Variants in EIF4E1B observed in about 807,000 individuals in gnomAD.
EIF4E1B encodes the protein eukaryotic translation initiation factor 4E type 1B.
In EIF4E1B, 22 loss-of-function variants were observed where a neutral mutation model predicts 31.3. The ratio of observed to expected loss-of-function variants is 0.70; its 90% confidence interval spans 0.50 to 1.00. The LOEUF (loss-of-function observed/expected upper bound fraction) is 1.00. EIF4E1B is among the 50% of genes least tolerant of loss of function. The pLI is 0.00. For synonymous variants in EIF4E1B, 126 were observed against 120.2 expected (o/e 1.05, Z -0.31); for missense variants, 290 against 311.6 (o/e 0.93, Z 0.52).
At chr5:176,635,964 A>G (rs1443776475) in intron 1 of EIF4E1B, among the ~76,000 whole-genome samples, 4 of 152,074 alleles carry the variant, frequency 2.6e-5, no homozygotes, top group African/African-American at 9.7e-5. Flanking sequence ...CCACAGGCAC[A>G]TGCCACCATG....
In EIF4E1B at chr5:176,645,342, GC is replaced by G; in HGVS notation, c.475-33del. On this transcript the variant is annotated intron_variant, in intron 7 of 8. Transcript: ENST00000318682. This position sits in a 1 kb window ranked among gnomAD's most constrained non-coding sequence, Gnocchi z 5.4. ...ATGGCAGGCCAGTCCCTATGTCCCA[GC>G]CGGTGATCTCACAACCCCCTACTTC... is the stretch of plus-strand genomic sequence containing the variant. 1 of 1,545,784 alleles carries G rather than the reference GC, an allele frequency of 6.5e-7. No homozygotes were observed. Among genetic ancestry groups the G allele is most frequent in the Admixed American group, 1.9e-5 (1 of 52,412 alleles).
At chr5:176,637,614 C>G (rs920570224) in intron 1 of EIF4E1B, among the ~76,000 whole-genome samples, 1 of 152,070 alleles carries the variant, frequency 6.6e-6, no homozygotes, top group Non-Finnish European at 1.5e-5. Flanking sequence ...GGGCAGGGAT[C>G]GCCTACCCTG....
rs549081894 is a variant in EIF4E1B at position 176,638,705 on chromosome 5, G to A, written c.-201-3338G>A. ...TGCTCAGGGCATGGGAGGCTGGATC[G>A]CCTAAGAACCTTGCAAGCCCAGGAC... is the stretch of plus-strand genomic sequence containing the variant. On this transcript the variant is annotated intron_variant, in intron 1 of 8. Coordinates refer to ENST00000318682, the MANE Select transcript of EIF4E1B (RefSeq NM_001099408.2). The surrounding 1 kb of genome is among the most constrained non-coding windows in gnomAD (Gnocchi z 4.3). Among the ~76,000 whole-genome samples, 12 of 152,340 alleles carry A rather than the reference G, an allele frequency of 7.9e-5. 1 individual carries two copies. The East Asian group carries it at 9.6e-4, about 12-fold the overall frequency.
chr5:176,646,049 G>C lies in EIF4E1B; in HGVS notation c.*69G>C. On this transcript the variant is annotated 3_prime_UTR_variant, in exon 9 of 9. Transcript: ENST00000318682. ...TGAGCCTCATTACTTTGGGGGATGGGGCGGGACTGGGGATCAGACAGCCTA... is the reference window on the plus strand; with the variant it reads ...TGAGCCTCATTACTTTGGGGGATGGCGCGGGACTGGGGATCAGACAGCCTA... 2 of 1,361,340 alleles carry C rather than the reference G, an allele frequency of 1.5e-6. No individual in the cohort carries two copies. The highest frequency in any genetic ancestry group is 2.5e-5 in the South Asian group (2 of 79,734). The allele number at this position is 1,361,340 out of a possible 1,614,324, so 84.3% of individuals were successfully genotyped here. A position where few individuals can be genotyped will look rare whatever the true frequency, so the allele number is the denominator to read the frequency against.
Position 176,643,221 on chromosome 5 carries a change from G to A in EIF4E1B, c.155G>A (p.Gly52Glu), listed in dbSNP as rs775973116. The A allele has an allele frequency of 6.2e-7, 1 of 1,612,882 alleles. No individual in the cohort carries two copies. The highest frequency in any genetic ancestry group is 1.3e-5 in the African/African-American group (1 of 74,908). Residue 52 changes from glycine (G) to glutamate (E), a missense_variant, in exon 4 of 9, where the codon GGG becomes GAG. Transcript: ENST00000318682. ...LLSLRGKART[G>E]GPMEVKLELH... ...TCTCTGAGAGGGAAGGCCCGGACGGGGGGCCCCATGGAAGTCAAGCTGGAG... is the reference window on the plus strand; with the variant it reads ...TCTCTGAGAGGGAAGGCCCGGACGGAGGGCCCCATGGAAGTCAAGCTGGAG...
In EIF4E1B at chr5:176,635,099, G is replaced by A. The variant is rs141392738; in HGVS notation, c.-202+4035G>A. ...GTGTGATCGTCCGGGGGTGCACGGA[G>A]AGTGAAAAGAAGAGAGTGCCCGGAA... On this transcript the variant is annotated intron_variant, in intron 1 of 8. Coordinates refer to ENST00000318682, the MANE Select transcript of EIF4E1B (RefSeq NM_001099408.2). Among the ~76,000 whole-genome samples, 1,212 of 152,186 alleles carry A rather than the reference G, an allele frequency of 8.0e-3. 13 individuals carry two copies. Among genetic ancestry groups the A allele is most frequent in the African/African-American group, 0.024 (981 of 41,500 alleles).
chr5:176,630,970 G>A lies in EIF4E1B; in HGVS notation c.-296G>A, dbSNP rs977745954. On this transcript the variant is annotated 5_prime_UTR_variant, in exon 1 of 9. The change creates a new upstream start codon in the 5' untranslated region. Transcript: ENST00000318682. ...TGGTCTCGGGAAGCTTACCATGGGG[G>A]TGTCTGTACGCGTGTGTGTTCGTGC... 3 of 152,588 alleles carry A rather than the reference G, an allele frequency of 2.0e-5. No individual in the cohort carries two copies. Among genetic ancestry groups the A allele is most frequent in the African/African-American group, 7.2e-5 (3 of 41,460 alleles). The allele number at this position is 152,588 out of a possible 1,614,324, so 9.5% of individuals were successfully genotyped here.
At chr5:176,631,360 C>G (rs1471386621) in intron 1 of EIF4E1B, among the ~76,000 whole-genome samples, 1 of 152,098 alleles carries the variant, frequency 6.6e-6, no homozygotes, top group Non-Finnish European at 1.5e-5. Context: ...TCACAGAATG[C>G]CAGGCACACA....
chr5:176,637,174 C>T (rs1019540823), intron 1 of EIF4E1B, among the ~76,000 whole-genome samples: 2 of 152,172 alleles, frequency 1.3e-5, no homozygotes, highest in Non-Finnish European at 2.9e-5. Context: ...CGTGGTGGCT[C>T]ACCCCTGTAA....
intron 5 of EIF4E1B, 96 bp from the exon 6 acceptor site, chr5:176,644,280 C>T: frequency 2.3e-6 from 3 of 1,294,516 alleles, no homozygotes; most frequent in Middle Eastern, 2.0e-4. Context: ...GCTTGGAGGC[C>T]ATGGGGTCGG....
intron 5 of EIF4E1B, 187 bp downstream of exon 5, chr5:176,643,921 A>G: frequency 1.6e-6 from 1 of 628,044 alleles, no homozygotes; most frequent in Non-Finnish European, 2.7e-6. Flanking sequence ...GCTCAGGGAG[A>G]GAGCCTGGGG....
rs986167759 is a variant in EIF4E1B at position 176,638,049 on chromosome 5, C to T, written c.-201-3994C>T. Among the ~76,000 whole-genome samples the T allele has an allele frequency of 3.9e-5, 6 of 152,080 alleles. No homozygotes were observed. Among genetic ancestry groups the T allele is most frequent in the Admixed American group, 1.3e-4 (2 of 15,272 alleles). ...AGCCCCAGGACCATTCCAGCGTTTT[C>T]GGCTGAGCAGTTGGAAGGGTGGAGA... On this transcript the variant is annotated intron_variant, in intron 1 of 8. Coordinates refer to ENST00000318682, the MANE Select transcript of EIF4E1B (RefSeq NM_001099408.2). This position sits in a 1 kb window ranked among gnomAD's most constrained non-coding sequence, Gnocchi z 4.3.
Position 176,645,466 on chromosome 5 carries a change from C to A in EIF4E1B, c.564C>A (p.Ile188=). The A allele has an allele frequency of 6.6e-7, 1 of 1,518,540 alleles. No homozygotes were observed. The highest frequency in any genetic ancestry group is 8.8e-7 in the Non-Finnish European group (1 of 1,135,158). The allele number at this position is 1,518,540 out of a possible 1,614,324, so 94.1% of individuals were successfully genotyped here. A position where few individuals can be genotyped will look rare whatever the true frequency, so the allele number is the denominator to read the frequency against. ...VVNIRTKGDK[I]AVWTREAENQ... ...ACATCCGCACCAAGGGGGACAAGAT[C>A]GCTGTGTGGACGAGGGAGGCGGAAA... Residue 188 remains isoleucine, a synonymous_variant, in exon 8 of 9, where the codon ATC becomes ATA. Coordinates refer to ENST00000318682, the MANE Select transcript of EIF4E1B (RefSeq NM_001099408.2). The surrounding 1 kb of genome is among the most constrained non-coding windows in gnomAD (Gnocchi z 5.4).
intron 1 of EIF4E1B, among the ~76,000 whole-genome samples, chr5:176,639,534 C>A (rs1906330): frequency 0.98 from 148,967 of 152,212 alleles, 72,973 homozygotes; most frequent in Middle Eastern, 1. Context: ...TGGGAGGGTC[C>A]TTCCGAGCTG....
Position 176,645,706 on chromosome 5 carries a change from T to C in EIF4E1B, c.615-160T>C. The C allele has an allele frequency of 2.7e-6, 3 of 1,109,936 alleles. No homozygotes were observed. Among genetic ancestry groups the C allele is most frequent in the Non-Finnish European group, 3.8e-6 (3 of 796,264 alleles). 68.8% of individuals were successfully genotyped at this position (1,109,936 alleles called of 1,614,324 possible). ...TCTCTTACGGCAGTGCAGCTCTCCT[T>C]TTGCATTAAGGGGGTCATATTTTGG... On this transcript the variant is annotated intron_variant, in intron 8 of 8. Coordinates refer to ENST00000318682, the MANE Select transcript of EIF4E1B (RefSeq NM_001099408.2). The surrounding 1 kb of genome is among the most constrained non-coding windows in gnomAD (Gnocchi z 5.4).
At chr5:176,641,057 C>T (rs1041394393) in intron 1 of EIF4E1B, among the ~76,000 whole-genome samples, 5 of 152,152 alleles carry the variant, frequency 3.3e-5, no homozygotes, top group Admixed American at 6.5e-5. Context: ...CTTTGGGTCA[C>T]GCCTGTAATC....
At chr5:176,642,589 TC>T in intron 2 of EIF4E1B, 120 bp from the exon 3 acceptor site, 1 of 765,634 alleles carries the variant, frequency 1.3e-6, no homozygotes, top group South Asian at 2.0e-5. Context: ...CACGGCCATG[TC>T]AGTGTCTCTG....
intron 3 of EIF4E1B, 49 bp downstream of exon 3, chr5:176,642,851 T>TACCCC: frequency 2.0e-6 from 2 of 998,544 alleles, no homozygotes; most frequent in Non-Finnish European, 1.3e-6. Flanking sequence ...CCCCGCCCTC[T>TACCCC]CCCCCCCCCC....
rs901871152 is a variant in EIF4E1B at position 176,644,490 on chromosome 5, C to T, written c.360+51C>T. The T allele has an allele frequency of 1.3e-5, 20 of 1,545,856 alleles. No individual in the cohort carries two copies. The Admixed American group carries it at 2.5e-4, about 19-fold the overall frequency. On this transcript the variant is annotated intron_variant, in intron 6 of 8. Coordinates refer to ENST00000318682, the MANE Select transcript of EIF4E1B (RefSeq NM_001099408.2). ...CCCGCAAAGGGACAAGGGGTTGATC[C>T]CTCCCGGACTCCACTGCGTTAATCC... is the stretch of plus-strand genomic sequence containing the variant.
Sources: allele counts gnomAD v4.1 joint callset (sites outside exome capture counted in the v4.1 genomes callset), GRCh38; gene constraint gnomAD v4.1.1; non-coding constraint Gnocchi (gnomAD v3.1); transcripts MANE v1.5; gene names NCBI Gene and HGNC (gene_info 2026-07-23, HGNC 2026-07-21).